Variants in DTNA observed in about 807,000 individuals in gnomAD.
The protein encoded by DTNA is dystrophin-related protein 3.
A neutral mutation model predicts 100.7 loss-of-function variants in DTNA; 43 were observed. That is an observed-to-expected ratio of 0.43 (90% CI 0.33 to 0.55). The LOEUF is 0.55. Among genes scored for constraint, DTNA ranks in the 20% least tolerant of loss-of-function variants. The pLI, the probability that DTNA is intolerant of heterozygous loss-of-function variation, is 0.04. For synonymous variants in DTNA, 349 were observed against 347.9 expected, an observed-to-expected ratio of 1.00 and a Z score of -0.04; for missense variants, 798 against 953.9, an observed-to-expected ratio of 0.84 and a Z score of 2.15.
At chr18:34,886,955 T>C (rs915240563) in intron 22 of DTNA, among the ~76,000 whole-genome samples, 6 of 152,260 alleles carry the variant, frequency 3.9e-5, no homozygotes, top group African/African-American at 1.4e-4. Flanking sequence ...TTAGACTTTC[T>C]GGCTGTACTG....
intron 1 of DTNA, among the ~76,000 whole-genome samples, chr18:34,516,716 C>T (rs2145087601): frequency 6.6e-6 from 1 of 152,240 alleles, no homozygotes; most frequent in Admixed American, 6.5e-5. Context: ...TTCTGTTCGG[C>T]CCCTTAGGCA....
At chr18:34,865,162 G>A (rs971138185) in intron 17 of DTNA, among the ~76,000 whole-genome samples, 2 of 152,204 alleles carry the variant, frequency 1.3e-5, no homozygotes, top group African/African-American at 2.4e-5. Context: ...GCTCATTTGC[G>A]AGAGAGGGTC....
At chr18:34,745,560 T>G (rs1219736333) in intron 1 of DTNA, among the ~76,000 whole-genome samples, 1 of 152,210 alleles carries the variant, frequency 6.6e-6, no homozygotes, top group Non-Finnish European at 1.5e-5. Context: ...ACCATGATTA[T>G]TGGGTTGTGT....
chr18:34,748,547 C>CA (rs1232363332), intron 1 of DTNA, among the ~76,000 whole-genome samples: 1 of 152,100 alleles, frequency 6.6e-6, no homozygotes, highest in African/African-American at 2.4e-5. Flanking sequence ...TTTCCAACAC[C>CA]ACTTATTAAA....
chr18:34,769,337 A>G (rs2093643165), intron 3 of DTNA, among the ~76,000 whole-genome samples: 1 of 152,206 alleles, frequency 6.6e-6, no homozygotes, highest in Non-Finnish European at 1.5e-5. Flanking sequence ...AGAAGCAGCA[A>G]TGTTTACATG....
chr18:34,844,031 T>G (rs1190299964), intron 13 of DTNA, among the ~76,000 whole-genome samples: 2 of 152,114 alleles, frequency 1.3e-5, no homozygotes, highest in Non-Finnish European at 2.9e-5. Flanking sequence ...GAACTTCAAT[T>G]ATAGAACTGG....
intron 3 of DTNA, among the ~76,000 whole-genome samples, chr18:34,791,146 A>G (rs1216625020): frequency 6.6e-6 from 1 of 152,192 alleles, no homozygotes; most frequent in Non-Finnish European, 1.5e-5. Context: ...TAATTCCACC[A>G]CTGGGAATTC....
intron 1 of DTNA, among the ~76,000 whole-genome samples, chr18:34,632,874 TA>T (rs1289746965): frequency 1.3e-5 from 2 of 152,204 alleles, no homozygotes; most frequent in African/African-American, 4.8e-5. Context: ...TTTGCTAAAT[TA>T]AGAGTTAGTA....
intron 13 of DTNA, 99 bp from the exon 14 acceptor site, chr18:34,848,197 C>A: frequency 8.7e-7 from 1 of 1,150,440 alleles, no homozygotes; most frequent in Non-Finnish European, 1.3e-6. Flanking sequence ...AAATCTTTTG[C>A]ACCAAAACAT....
intron 1 of DTNA, among the ~76,000 whole-genome samples, chr18:34,731,792 T>G (rs553920406): frequency 3.3e-5 from 5 of 152,336 alleles, no homozygotes; most frequent in African/African-American, 1.2e-4. Context: ...ATTTAACTCT[T>G]TATTGTATTA....
At chr18:34,865,161 C>T (rs1032395412) in intron 17 of DTNA, among the ~76,000 whole-genome samples, 6 of 152,182 alleles carry the variant, frequency 3.9e-5, no homozygotes, top group African/African-American at 1.4e-4. Context: ...AGCTCATTTG[C>T]GAGAGAGGGT....
intron 3 of DTNA, among the ~76,000 whole-genome samples, chr18:34,777,288 C>G (rs1454798156): frequency 6.6e-6 from 1 of 152,110 alleles, no homozygotes; most frequent in African/African-American, 2.4e-5. Flanking sequence ...ATTAGTAAAT[C>G]AACATTTTGA....
chr18:34,496,098 A>T (rs1200368495), intron 1 of DTNA, among the ~76,000 whole-genome samples: 2 of 152,188 alleles, frequency 1.3e-5, no homozygotes, highest in Middle Eastern at 6.8e-3. Flanking sequence ...CTTACTCAAC[A>T]TTATAAGTAA....
Position 34,794,109 on chromosome 18 carries a change from C to G in DTNA, c.221C>G (p.Thr74Ser). 1 of 1,614,178 alleles carries G rather than the reference C, an allele frequency of 6.2e-7. No homozygotes were observed. Among genetic ancestry groups the G allele is most frequent in the Non-Finnish European group, 8.5e-7 (1 of 1,180,038 alleles). ...ENALNNLDPNTELNVSRLEAV... is the reference protein window; with the variant it reads ...ENALNNLDPNSELNVSRLEAV... Reference sequence around the variant, plus strand: ...GCTCTGAACAACCTGGACCCAAACACTGAACTCAACGTGTCCCGCTTAGAG... The same window carrying G: ...GCTCTGAACAACCTGGACCCAAACAGTGAACTCAACGTGTCCCGCTTAGAG... Residue 74 changes from threonine (T) to serine (S), a missense_variant, in exon 4 of 23, where the codon ACT (threonine) becomes AGT (serine). Physicochemically the swap from Thr to Ser is moderately conservative, Grantham distance 58 (BLOSUM62 1). Around this residue, in one of 6 missense-constraint regions of DTNA, gnomAD observed 197 missense variants for 215.4 expected, o/e 0.91. Coordinates refer to ENST00000444659, the MANE Select transcript of DTNA (RefSeq NM_001386795.1).
chr18:34,564,631 T>C (rs758254943), intron 1 of DTNA, among the ~76,000 whole-genome samples: 1 of 152,256 alleles, frequency 6.6e-6, no homozygotes, highest in Admixed American at 6.5e-5. Context: ...TTCGTCTGTC[T>C]TTCAATAAAA....
At chr18:34,673,991 G>T (rs575103855) in intron 1 of DTNA, among the ~76,000 whole-genome samples, 2 of 152,212 alleles carry the variant, frequency 1.3e-5, no homozygotes, top group Non-Finnish European at 2.9e-5. Context: ...ACCCAGAATT[G>T]TGAAGTACAC....
chr18:34,612,049 T>C (rs1268227746), intron 1 of DTNA, among the ~76,000 whole-genome samples: 1 of 152,182 alleles, frequency 6.6e-6, no homozygotes, highest in Non-Finnish European at 1.5e-5. Context: ...CTCACCCACT[T>C]GCTGCTCAAC....
chr18:34,740,363 G>A (rs1323069921), intron 1 of DTNA, among the ~76,000 whole-genome samples: 1 of 152,182 alleles, frequency 6.6e-6, no homozygotes, highest in Non-Finnish European at 1.5e-5. Flanking sequence ...AAAAGGAACT[G>A]CTTGTTCACT....
intron 2 of DTNA, among the ~76,000 whole-genome samples, 198 bp downstream of exon 2, chr18:34,756,241 A>G (rs1422774693): frequency 6.6e-6 from 1 of 152,180 alleles, no homozygotes; most frequent in African/African-American, 2.4e-5. Context: ...CTAATTTGCT[A>G]TTAGACTGTC....
Sources: gnomAD v4.1 joint callset for allele counts (sites outside exome capture counted in the v4.1 genomes callset) on GRCh38, gnomAD v4.1.1 for gene constraint, gnomAD v4.1.1 regional missense constraint, MANE v1.5 for transcripts, NCBI Gene and HGNC (gene_info 2026-07-23, HGNC 2026-07-21) for gene names.